Variants in ZNF112 observed in about 807,000 individuals in gnomAD.
ZNF112 encodes the protein zinc finger protein 112.
A neutral mutation model predicts 77.7 loss-of-function variants in ZNF112; 37 were observed. That is an observed-to-expected ratio of 0.48 (90% CI 0.37 to 0.63). The LOEUF (loss-of-function observed/expected upper bound fraction) is 0.63. ZNF112 is among the 20% of genes least tolerant of loss of function. The pLI is 0.00. For missense variants in ZNF112, 950 were observed against 1,077.4 expected (o/e 0.88, Z 1.66); for synonymous variants, 333 against 363.6 (o/e 0.92, Z 0.96).
chr19:44,349,588 A>G (rs990155561), intron 1 of ZNF112, among the ~76,000 whole-genome samples: 10 of 152,048 alleles, frequency 6.6e-5, no homozygotes, highest in African/African-American at 2.4e-4. Flanking sequence ...AAATTAGAAA[A>G]TTTTAAATAA....
intron 3 of ZNF112, among the ~76,000 whole-genome samples, chr19:44,334,543 G>C (rs1331848366): frequency 6.6e-6 from 1 of 152,240 alleles, no homozygotes; most frequent in Non-Finnish European, 1.5e-5. Flanking sequence ...AGTCATGACA[G>C]TCCCTCCTAC....
rs746478634 is a variant in ZNF112 at position 44,327,444 on chromosome 19, CAG to C, written c.2711_2712del (p.Ser904CysfsTer11). ...CCCATTTGAGGACTTCAAAACAAAA[CAG>C]AATCTTCATTTCTGTGTAGATTCTC... Reference protein sequence around the residue: ...SSENLHRNEDSVLF With the variant: ...SSENLHRNEDXVLF On this transcript the variant is annotated frameshift_variant, in exon 4 of 4. Coordinates refer to ENST00000354340, the MANE Select transcript of ZNF112 (RefSeq NM_013380.4). LOFTEE classifies it high-confidence loss of function. The C allele has an allele frequency of 3.1e-6, 5 of 1,592,982 alleles. No homozygotes were observed. The highest frequency in any genetic ancestry group is 4.3e-6 in the Non-Finnish European group (5 of 1,169,278).
chr19:44,333,658 T>TG (rs1194742748), intron 3 of ZNF112, among the ~76,000 whole-genome samples: 11 of 152,198 alleles, frequency 7.2e-5, no homozygotes, highest in African/African-American at 1.9e-4. Flanking sequence ...CCTCTTTCTC[T>TG]GCCATGTAAA....
intron 1 of ZNF112, among the ~76,000 whole-genome samples, chr19:44,353,775 A>G (rs1354487781): frequency 6.6e-6 from 1 of 152,144 alleles, no homozygotes; most frequent in African/African-American, 2.4e-5. Flanking sequence ...GGAACTTTCT[A>G]CATCATTAGT....
At chr19:44,355,590 TA>T (rs1377377590) in intron 1 of ZNF112, among the ~76,000 whole-genome samples, 2 of 152,200 alleles carry the variant, frequency 1.3e-5, no homozygotes, top group Non-Finnish European at 2.9e-5. Flanking sequence ...CTCAGGCTCT[TA>T]CCACCTGGGT....
chr19:44,354,853 T>C (rs1183729650), intron 1 of ZNF112, among the ~76,000 whole-genome samples: 1 of 152,210 alleles, frequency 6.6e-6, no homozygotes, highest in African/African-American at 2.4e-5. Context: ...ACCATCCTTC[T>C]CCAAGGTACA....
At chr19:44,366,687 C>T (rs532841363) in intron 1 of ZNF112, among the ~76,000 whole-genome samples, 4 of 150,268 alleles carry the variant, frequency 2.7e-5, no homozygotes, top group Non-Finnish European at 4.4e-5. Context: ...CAGGAATCGT[C>T]CTGCTTCCTG....
At chr19:44,360,401 T>C (rs1599943100), upstream of ZNF112, among the ~76,000 whole-genome samples, 1 of 151,324 alleles carries the variant, frequency 6.6e-6, no homozygotes, top group Non-Finnish European at 1.5e-5. Context: ...AAAAGTTTGA[T>C]TAATCACCCA....
upstream of ZNF112, among the ~76,000 whole-genome samples, chr19:44,359,310 G>C (rs927524622): frequency 2.4e-5 from 3 of 122,754 alleles, no homozygotes; most frequent in African/African-American, 9.6e-5. Context: ...TCATATATTA[G>C]AGTTCTTTTT....
intron 1 of ZNF112, among the ~76,000 whole-genome samples, chr19:44,345,017 G>A (rs1970561908): frequency 6.6e-6 from 1 of 152,130 alleles, no homozygotes. Flanking sequence ...TAGCAGAATG[G>A]CCAGGACTAT....
chr19:44,328,711 AC>A lies in ZNF112; in HGVS notation c.1445del (p.Gly482ValfsTer53). 6.2e-7 allele frequency: 1 copy of A among 1,614,028 alleles called. No homozygotes were observed. The highest frequency in any genetic ancestry group is 8.5e-7 in the Non-Finnish European group (1 of 1,179,958). On this transcript the variant is annotated frameshift_variant, in exon 4 of 4. Transcript: ENST00000354340. LOFTEE classifies it high-confidence loss of function. ...TCTCTCCAATGTGAATTTTTGGATGACCTTGAAGATATAAATTATGGCTGAA... is the reference window on the plus strand; with the variant it reads ...TCTCTCCAATGTGAATTTTTGGATGACTTGAAGATATAAATTATGGCTGAA... The part of the protein sequence containing the change: ...NSFSHNLYLQ[G>X]HPKIHIGEKP...
rs1970129223 is a variant in ZNF112, at chr19:44,326,747, C to T, written c.*686G>A. 1 of 152,116 alleles carries T rather than the reference C, an allele frequency of 6.6e-6. No individual in the cohort carries two copies. The highest frequency in any genetic ancestry group is 1.5e-5 in the Non-Finnish European group (1 of 68,038). The allele number at this position is 152,116 out of a possible 1,614,324, so 9.4% of individuals were successfully genotyped here. ...AGTTTGTACTGATATTTCAAGTGCA[C>T]ACATGGGTACATATACACACACACA... On this transcript the variant is annotated 3_prime_UTR_variant, in exon 4 of 4. Transcript: ENST00000354340.
At chr19:44,336,484 T>C (rs1056085367) in intron 3 of ZNF112, 139 bp downstream of exon 3, 16 of 665,826 alleles carry the variant, frequency 2.4e-5, no homozygotes, top group Middle Eastern at 4.1e-4. Flanking sequence ...TAGGACCTAA[T>C]AGACCACTTT....
chr19:44,360,725 G>A (rs1404641470), upstream of ZNF112, among the ~76,000 whole-genome samples: 1 of 152,178 alleles, frequency 6.6e-6, no homozygotes, highest in Non-Finnish European at 1.5e-5. Context: ...TTCAATACAT[G>A]TTGCTGTTAA....
In ZNF112 at chr19:44,350,308, T is replaced by G. The variant is rs369009452; in HGVS notation, c.-4+6318A>C. ...AAAGATTTAACCATCATCAGTTGCATGAATTTCATGAGAAACAGAAAAATT... is the reference window on the plus strand; with the variant it reads ...AAAGATTTAACCATCATCAGTTGCAGGAATTTCATGAGAAACAGAAAAATT... On this transcript the variant is annotated intron_variant, in intron 1 of 3. Transcript: ENST00000354340. Among the ~76,000 whole-genome samples the G allele has an allele frequency of 1.2e-3, 183 of 152,164 alleles. 2 individuals carry two copies. Among genetic ancestry groups the G allele is most frequent in the South Asian group, 5.4e-3 (26 of 4,826 alleles).
rs1317345671 is a variant in ZNF112, at chr19:44,329,788, C to A, written c.369G>T (p.Lys123Asn). Residue 123 changes from lysine (K) to asparagine (N), a missense_variant, in exon 4 of 4, where the codon AAG becomes AAT. Lys to Asn is a moderately conservative substitution (Grantham distance 94, BLOSUM62 0). Coordinates refer to ENST00000354340, the MANE Select transcript of ZNF112 (RefSeq NM_013380.4). Reference protein sequence around the residue: ...CQDFLKVFQGKNSQLQEQGNS... With the variant: ...CQDFLKVFQGNNSQLQEQGNS... ...TACCTTGTTCTTGCAACTGAGAATT[C>A]TTCCCTTGAAAAACTTTCAGGAAAT... 1 of 1,613,992 alleles carries A rather than the reference C, an allele frequency of 6.2e-7. No individual in the cohort carries two copies. Among genetic ancestry groups the A allele is most frequent in the Non-Finnish European group, 8.5e-7 (1 of 1,180,002 alleles).
intron 3 of ZNF112, among the ~76,000 whole-genome samples, chr19:44,333,247 A>C (rs1198427670): frequency 6.6e-6 from 1 of 152,248 alleles, no homozygotes; most frequent in Non-Finnish European, 1.5e-5. Context: ...AACTCAGAGA[A>C]AAAAAATCTT....
At chr19:44,340,005 G>T (rs138339637) in intron 2 of ZNF112, among the ~76,000 whole-genome samples, 11 of 152,236 alleles carry the variant, frequency 7.2e-5, no homozygotes, top group African/African-American at 2.4e-4. Flanking sequence ...AATGTTATTA[G>T]AGGTGAATCC....
chr19:44,343,278 T>C, intron 1 of ZNF112: 1 of 1,613,504 alleles, frequency 6.2e-7, no homozygotes, highest in African/African-American at 1.3e-5. Context: ...TTTTTCTCTT[T>C]CTTTTTCTAG....
Sources: allele counts gnomAD v4.1 joint callset (sites outside exome capture counted in the v4.1 genomes callset), GRCh38; gene constraint gnomAD v4.1.1; transcripts MANE v1.5; gene names NCBI Gene and HGNC (gene_info 2026-07-23, HGNC 2026-07-21).